The following BTBD9 variants were observed in gnomAD, a reference collection of about 807,000 sequenced individuals.
BTBD9 encodes BTB/POZ domain-containing protein 9.
A neutral mutation model predicts 64.3 loss-of-function variants in BTBD9; 49 were observed. The ratio of observed to expected loss-of-function variants is 0.76; its 90% CI spans 0.61 to 0.97. The LOEUF (loss-of-function observed/expected upper bound fraction) is 0.97, where lower values mean the gene tolerates loss of function less well. Ranked by LOEUF, BTBD9 falls within the 50% of genes least tolerant of loss-of-function variation. The pLI is 0.00. For synonymous variants in BTBD9, 260 were observed against 274.7 expected, an observed-to-expected ratio of 0.95 and a Z score of 0.53; for missense variants, 598 against 762.1, an observed-to-expected ratio of 0.78 and a Z score of 2.53.
At chr6:38,555,225 C>G (rs1774963358) in intron 6 of BTBD9, among the ~76,000 whole-genome samples, 1 of 152,178 alleles carries the variant, frequency 6.6e-6, no homozygotes. Context: ...AAGGATGACT[C>G]ACCCCATCTC....
intron 6 of BTBD9, among the ~76,000 whole-genome samples, chr6:38,423,308 T>C (rs1767991102): frequency 6.6e-6 from 1 of 151,996 alleles, no homozygotes; most frequent in African/African-American, 2.4e-5. Flanking sequence ...TTATTATTAT[T>C]TTTTTAAATA....
chr6:38,177,549 C>G (rs1273666349), intron 10 of BTBD9, among the ~76,000 whole-genome samples: 1 of 152,232 alleles, frequency 6.6e-6, no homozygotes, highest in Non-Finnish European at 1.5e-5. Context: ...CTCAGAGTGG[C>G]CTGGTGCTGC....
At position 38,572,923 on chromosome 6, in the gene BTBD9, C is replaced by T. The variant is rs1261481967; in HGVS notation, c.1154+4677G>A. ...AATACATTTTTTAAAAAGTAAAATT[C>T]TATATGGCAAAAAGTACCAATAAAA... is the stretch of plus-strand genomic sequence containing the variant. On this transcript the variant is annotated intron_variant, in intron 6 of 10. Transcript: ENST00000481247. Among the ~76,000 whole-genome samples the T allele has an allele frequency of 2.6e-5, 4 of 151,680 alleles. No individual in the cohort carries two copies. The South Asian group carries it at 8.3e-4, about 32-fold the overall frequency.
At chr6:38,372,187 C>T (rs1183603553) in intron 6 of BTBD9, among the ~76,000 whole-genome samples, 2 of 152,196 alleles carry the variant, frequency 1.3e-5, no homozygotes, top group African/African-American at 2.4e-5. Flanking sequence ...TTTTTAGATG[C>T]ACCTCAGCTC....
rs1766791359 is a variant in BTBD9, at chr6:38,171,865, AAAAAAAAAAAAAAAAAATAAT to A, written c.*3099_*3119del. The A allele has an allele frequency of 6.2e-5, 6 of 96,548 alleles. 1 individual carries two copies. The South Asian group carries it at 1.1e-3, about 18-fold the overall frequency. 6.0% of individuals were successfully genotyped at this position (96,548 alleles called of 1,614,324 possible). A position where few individuals can be genotyped will look rare whatever the true frequency, so the allele number is the denominator to read the frequency against. On this transcript the variant is annotated 3_prime_UTR_variant, in exon 11 of 11. Coordinates refer to ENST00000481247, the MANE Select transcript of BTBD9 (RefSeq NM_001099272.2). The stretch of plus-strand genomic sequence containing the variant: ...TACTCTCAAAAAAAAAAAAAAAAAA[AAAAAAAAAAAAAAAAAATAAT>A]AATAATAATAATAATAATAATAATG...
chr6:38,576,352 GAGACACTTT>G (rs66535019), intron 6 of BTBD9, among the ~76,000 whole-genome samples: 13,158 of 152,098 alleles, frequency 0.087, 684 homozygotes, highest in Middle Eastern at 0.17. Context: ...CGCTAGACCT[GAGACACTTT>G]AGTCTGTCTT....
intron 9 of BTBD9, among the ~76,000 whole-genome samples, chr6:38,212,202 C>G (rs1262955528): frequency 6.6e-6 from 1 of 152,172 alleles, no homozygotes; most frequent in Non-Finnish European, 1.5e-5. Flanking sequence ...GGGCTCTCCA[C>G]CCATGGTGCA....
At chr6:38,556,402 C>T (rs1425685573) in intron 6 of BTBD9, among the ~76,000 whole-genome samples, 1 of 151,896 alleles carries the variant, frequency 6.6e-6, no homozygotes, top group African/African-American at 2.4e-5. Context: ...CTGACAACTG[C>T]CAGATTCCAG....
At chr6:38,378,097 G>A (rs6458052) in intron 6 of BTBD9, among the ~76,000 whole-genome samples, 112,711 of 151,934 alleles carry the variant, frequency 0.74, 43,210 homozygotes, top group East Asian at 0.96. Context: ...CGTCCTCCCA[G>A]TGGAGGACGA....
At chr6:38,416,215 A>C (rs1391640738) in intron 6 of BTBD9, among the ~76,000 whole-genome samples, 3 of 152,124 alleles carry the variant, frequency 2.0e-5, no homozygotes, top group Non-Finnish European at 4.4e-5. Context: ...GTTGAGTTGT[A>C]GATAGTTGGG....
chr6:38,270,108 AG>A (rs1353225577), intron 8 of BTBD9, among the ~76,000 whole-genome samples: 2 of 152,228 alleles, frequency 1.3e-5, no homozygotes, highest in African/African-American at 4.8e-5. Flanking sequence ...GCACAGCATG[AG>A]GCTTCATTAG....
rs1292232725 is a variant in BTBD9 at position 38,442,457 on chromosome 6, G to A, written c.1155-97364C>T. The stretch of plus-strand genomic sequence containing the variant: ...TGCATTCCAGCTTGGGCAAGAGAGC[G>A]AGACTTCATCTCAAAAAAAAGTCGT... On this transcript the variant is annotated intron_variant, in intron 6 of 10. Transcript: ENST00000481247. Among the ~76,000 whole-genome samples the A allele has an allele frequency of 5.9e-5, 9 of 151,972 alleles. No homozygotes were observed. In the East Asian group the frequency reaches 9.7e-4, roughly 16 times the overall value.
At chr6:38,582,843 T>C (rs1447625762) in intron 4 of BTBD9, among the ~76,000 whole-genome samples, 2 of 152,112 alleles carry the variant, frequency 1.3e-5, no homozygotes, top group Non-Finnish European at 2.9e-5. Flanking sequence ...AGATAAAAAT[T>C]ACACTACAGA....
At chr6:38,201,773 C>A (rs1762469046) in intron 9 of BTBD9, among the ~76,000 whole-genome samples, 1 of 152,158 alleles carries the variant, frequency 6.6e-6, no homozygotes, top group African/African-American at 2.4e-5. Context: ...ATACAAAATT[C>A]AGTAGCATTT....
At chr6:38,411,119 G>C (rs530172951) in intron 6 of BTBD9, among the ~76,000 whole-genome samples, 4 of 152,204 alleles carry the variant, frequency 2.6e-5, no homozygotes, top group Admixed American at 1.3e-4. Context: ...TGTTCTTGGA[G>C]AGGAAGACAA....
chr6:38,283,178 T>G (rs1222998388), intron 8 of BTBD9, among the ~76,000 whole-genome samples: 1 of 152,196 alleles, frequency 6.6e-6, no homozygotes, highest in South Asian at 2.1e-4. Context: ...CATGCTTACT[T>G]AGGCCCAAAC....
At chr6:38,300,845 C>T (rs1666377667) in intron 7 of BTBD9, among the ~76,000 whole-genome samples, 2 of 152,132 alleles carry the variant, frequency 1.3e-5, no homozygotes, top group African/African-American at 4.8e-5. Context: ...ATTGAATGCC[C>T]TTTATTTCCT....
intron 8 of BTBD9, among the ~76,000 whole-genome samples, chr6:38,268,055 G>C (rs1052948142): frequency 2.6e-5 from 4 of 152,088 alleles, no homozygotes; most frequent in African/African-American, 7.2e-5. Context: ...AAAAAACCTG[G>C]GTCACTTATT....
At chr6:38,280,072 T>G (rs1444525576) in intron 8 of BTBD9, among the ~76,000 whole-genome samples, 1 of 152,128 alleles carries the variant, frequency 6.6e-6, no homozygotes, top group Non-Finnish European at 1.5e-5. Context: ...CTAGTGCTCC[T>G]CCTGTATTTT....
Sources: allele counts gnomAD v4.1 joint callset (sites outside exome capture counted in the v4.1 genomes callset), GRCh38; gene constraint gnomAD v4.1.1; transcripts MANE v1.5; gene names NCBI Gene and HGNC (gene_info 2026-07-23, HGNC 2026-07-21).